PTK2B: variants seen among roughly 807,000 people sequenced by gnomAD.
PTK2B encodes protein tyrosine kinase 2 beta.
PTK2B carries 71 observed loss-of-function variants against 142.9 expected under a neutral mutation model. The ratio of observed to expected loss-of-function variants is 0.50; its 90% CI spans 0.41 to 0.61. The LOEUF (loss-of-function observed/expected upper bound fraction) is 0.61. Ranked by LOEUF, PTK2B falls within the 20% of genes least tolerant of loss-of-function variation. PTK2B has a pLI of 0.00. For synonymous variants in PTK2B, 519 were observed against 503.4 expected, an observed-to-expected ratio of 1.03 and a Z score of -0.42; for missense variants, 1,105 against 1,320.4, an observed-to-expected ratio of 0.84 and a Z score of 2.53.
chr8:27,326,568 CG>C (rs1803432212), intron 1 of PTK2B, among the ~76,000 whole-genome samples: 1 of 152,164 alleles, frequency 6.6e-6, no homozygotes, highest in South Asian at 2.1e-4. Context: ...AGGAGGAACT[CG>C]GAAGCTGCGC....
At chr8:27,391,154 C>T (rs113799203) in intron 1 of PTK2B, among the ~76,000 whole-genome samples, 9,101 of 150,348 alleles carry the variant, frequency 0.061, 909 homozygotes, top group African/African-American at 0.21. Context: ...AATCTCGGCT[C>T]GGTGCAATCT....
In PTK2B at chr8:27,327,155, C is replaced by T. The variant is rs576718303; in HGVS notation, c.-38+1474C>T. On this transcript the variant is annotated intron_variant, in intron 1 of 30. Coordinates refer to ENST00000346049, the MANE Select transcript of PTK2B (RefSeq NM_173176.3). ...GCAGCAGGAGGCTGGAAGCAGCGGG[C>T]GGCATCCAGGAAAATGAAAGTAGCT... Among the ~76,000 whole-genome samples the T allele has an allele frequency of 2.6e-5, 4 of 152,206 alleles. No individual in the cohort carries two copies. The East Asian group carries it at 7.7e-4, about 29-fold the overall frequency.
chr8:27,381,916 G>A (rs955761212), intron 1 of PTK2B, among the ~76,000 whole-genome samples: 7 of 152,074 alleles, frequency 4.6e-5, no homozygotes, highest in African/African-American at 1.2e-4. Flanking sequence ...TAGTGATATC[G>A]AGCATATTTT....
intron 25 of PTK2B, 59 bp downstream of exon 25, chr8:27,450,954 C>G: frequency 6.2e-7 from 1 of 1,612,440 alleles, no homozygotes; most frequent in South Asian, 1.1e-5. Context: ...CTTCCACCTC[C>G]CCAGGTGGCT....
intron 2 of PTK2B, among the ~76,000 whole-genome samples, chr8:27,404,477 G>A (rs1203668419): frequency 1.3e-5 from 2 of 152,158 alleles, no homozygotes; most frequent in East Asian, 3.8e-4. Context: ...GAGGGGCAGA[G>A]GCTGCAGCCA....
chr8:27,335,016 G>A (rs1803976138), intron 1 of PTK2B, among the ~76,000 whole-genome samples: 1 of 152,206 alleles, frequency 6.6e-6, no homozygotes, highest in African/African-American at 2.4e-5. Flanking sequence ...CTGAATGAGA[G>A]GAGAAAGATG....
At chr8:27,343,291 A>G (rs1804521927) in intron 1 of PTK2B, among the ~76,000 whole-genome samples, 1 of 152,174 alleles carries the variant, frequency 6.6e-6, no homozygotes, top group South Asian at 2.1e-4. Flanking sequence ...CAGTTGACAT[A>G]CAGCCAAGCC....
At chr8:27,314,790 C>A (rs1255318206) in intron 3 of PTK2B, among the ~76,000 whole-genome samples, 1 of 152,172 alleles carries the variant, frequency 6.6e-6, no homozygotes, top group Non-Finnish European at 1.5e-5. Context: ...GTTCAAGATG[C>A]CAATAACCTG....
chr8:27,346,121 G>A (rs925002208), intron 1 of PTK2B, among the ~76,000 whole-genome samples: 11 of 152,198 alleles, frequency 7.2e-5, no homozygotes, highest in African/African-American at 2.7e-4. Flanking sequence ...GGTTGCTCAG[G>A]ACTATGGCAT....
chr8:27,386,162 A>G (rs1449545526), intron 1 of PTK2B, among the ~76,000 whole-genome samples: 1 of 152,126 alleles, frequency 6.6e-6, no homozygotes, highest in Admixed American at 6.5e-5. Flanking sequence ...TGCACTACTC[A>G]TATTTTTATC....
intron 1 of PTK2B, among the ~76,000 whole-genome samples, chr8:27,338,406 G>T (rs915457290): frequency 6.6e-6 from 1 of 152,024 alleles, no homozygotes; most frequent in African/African-American, 2.4e-5. Flanking sequence ...AGGGTGGGAG[G>T]GGGGTGAGGG....
At chr8:27,332,344 T>G (rs958560449) in intron 1 of PTK2B, among the ~76,000 whole-genome samples, 2 of 152,202 alleles carry the variant, frequency 1.3e-5, no homozygotes, top group African/African-American at 4.8e-5. Flanking sequence ...TACTTGACTG[T>G]GTGAAAATCC....
At chr8:27,373,997 AG>A (rs1247919639) in intron 1 of PTK2B, among the ~76,000 whole-genome samples, 7 of 152,014 alleles carry the variant, frequency 4.6e-5, no homozygotes, top group African/African-American at 1.2e-4. Context: ...GCATGTCCCC[AG>A]AGGGCAGAAG....
rs539264778 is a variant in PTK2B, at chr8:27,383,123, A to C, written c.-37-14425A>C. 2.6e-5 allele frequency among the ~76,000 whole-genome samples: 4 copies of C among 152,326 alleles called. No homozygotes were observed. The South Asian group carries it at 8.3e-4, about 32-fold the overall frequency. On this transcript the variant is annotated intron_variant, in intron 1 of 30. Transcript: ENST00000346049. ...TCATTGGTCTTTTGATGGGGGTTGC[A>C]TGGAATTCGTAGAGCGCTTTAGGTA... is the stretch of plus-strand genomic sequence containing the variant.
intron 5 of PTK2B, 53 bp downstream of exon 5, chr8:27,422,436 G>A (rs1246923978): frequency 1.4e-6 from 2 of 1,449,960 alleles, no homozygotes; most frequent in African/African-American, 1.4e-5. Flanking sequence ...GCTCTGGGCA[G>A]GCCCGACCTT....
chr8:27,318,505 A>G (rs113939650), intron 3 of PTK2B, among the ~76,000 whole-genome samples: 3 of 151,814 alleles, frequency 2.0e-5, no homozygotes, highest in Non-Finnish European at 4.4e-5. Context: ...CCAGGCAGCC[A>G]CTCTTTCTAG....
intron 1 of PTK2B, among the ~76,000 whole-genome samples, chr8:27,340,912 G>C (rs1490143614): frequency 2.0e-5 from 3 of 152,330 alleles, no homozygotes; most frequent in East Asian, 3.9e-4. Flanking sequence ...CAGTGGGGAG[G>C]GGGGCAGACA....
chr8:27,324,718 A>G (rs1173465401), upstream of PTK2B, among the ~76,000 whole-genome samples: 1 of 152,216 alleles, frequency 6.6e-6, no homozygotes, highest in African/African-American at 2.4e-5. Flanking sequence ...AGCTTGGGAC[A>G]GGGGCTCTGG....
At chr8:27,397,901 A>T in intron 2 of PTK2B, 113 bp downstream of exon 2, 8 of 1,270,840 alleles carry the variant, frequency 6.3e-6, no homozygotes, top group African/African-American at 1.5e-5. Flanking sequence ...CCTGGGTGGA[A>T]GAGGTGAGGT....
Sources: allele counts gnomAD v4.1 joint callset (sites outside exome capture counted in the v4.1 genomes callset), GRCh38; gene constraint gnomAD v4.1.1; transcripts MANE v1.5; gene names NCBI Gene and HGNC (gene_info 2026-07-23, HGNC 2026-07-21).